The following UNC79 variants were observed in gnomAD, a reference collection of about 807,000 sequenced individuals.
UNC79 encodes the protein unc-79 subunit of NALCN channel complex.
UNC79 carries 37 observed loss-of-function variants against 283.1 expected under a neutral mutation model. That is an observed-to-expected ratio of 0.13 (90% CI 0.10 to 0.17). The LOEUF (loss-of-function observed/expected upper bound fraction) is 0.17, where lower values mean the gene tolerates loss of function less well. Ranked by LOEUF, UNC79 falls within the 10% of genes least tolerant of loss-of-function variation. UNC79 has a pLI of 1.00. For synonymous variants in UNC79, 1,107 were observed against 1,200.2 expected, an observed-to-expected ratio of 0.92 and a Z score of 1.61; for missense variants, 2,272 against 3,211.1, an observed-to-expected ratio of 0.71 and a Z score of 7.07.
At chr14:93,691,826 T>G (rs1006195419) in exon 46 of UNC79, 1 of 1,614,190 alleles carries the variant, frequency 6.2e-7, no homozygotes, top group South Asian at 1.1e-5. Context: ...GCGAGCAAAG[T>G]GCCGTCGCTA....
chr14:93,499,760 C>T (rs1339715991), intron 7 of UNC79, among the ~76,000 whole-genome samples: 2 of 151,998 alleles, frequency 1.3e-5, no homozygotes, highest in African/African-American at 4.8e-5. Flanking sequence ...GGTCTCTAAC[C>T]TCAACGGGAT....
chr14:93,526,780 G>T (rs112737118), intron 8 of UNC79, among the ~76,000 whole-genome samples: 74 of 152,214 alleles, frequency 4.9e-4, no homozygotes, highest in African/African-American at 1.7e-3. Flanking sequence ...TATAGTTTTA[G>T]CATCCTAGGA....
Position 93,430,773 on chromosome 14 carries a change from G to C in UNC79, c.-257G>C, listed in dbSNP as rs940082573. The C allele has an allele frequency of 4.5e-6, 2 of 444,798 alleles. No individual in the cohort carries two copies. The highest frequency in any genetic ancestry group is 6.8e-5 in the Admixed American group (2 of 29,422). The allele number at this position is 444,798 out of a possible 1,614,324, so 27.6% of individuals were successfully genotyped here. On this transcript the variant is annotated 5_prime_UTR_variant, in exon 1 of 49. Transcript: ENST00000555664. The surrounding 1 kb of genome is among the most constrained non-coding windows in gnomAD (Gnocchi z 4.6). ...CATCAACGCGGGCAGCTCCAGGAGG[G>C]GACGGACAGGAAGCCTTTGGCCGCC...
At chr14:93,587,080 G>A (rs994854953) in intron 22 of UNC79, among the ~76,000 whole-genome samples, 172 bp downstream of exon 22, 1 of 152,022 alleles carries the variant, frequency 6.6e-6, no homozygotes, top group Non-Finnish European at 1.5e-5. Flanking sequence ...TTAAAAGTAC[G>A]TTAATACAAG....
intron 22 of UNC79, among the ~76,000 whole-genome samples, chr14:93,592,396 G>A (rs1402110813): frequency 3.3e-5 from 5 of 151,856 alleles, no homozygotes; most frequent in Non-Finnish European, 7.4e-5. Flanking sequence ...GGATGGTCTC[G>A]ATCTCCTGAC....
At chr14:93,613,065 C>T in exon 27 of UNC79, 1 of 1,614,210 alleles carries the variant, frequency 6.2e-7, no homozygotes, top group East Asian at 2.2e-5. Flanking sequence ...TTAATGCATT[C>T]ATTGCAGGAA....
At position 93,542,954 on chromosome 14, in the gene UNC79, T is replaced by G. The variant is rs199528585; in HGVS notation, c.1755+258T>G. Among the ~76,000 whole-genome samples, 611 of 75,332 alleles carry G rather than the reference T, an allele frequency of 8.1e-3. 2 individuals are homozygous for G. The highest frequency in any genetic ancestry group is 0.026 in the African/African-American group (577 of 21,924). 49.4% of individuals were successfully genotyped at this position (75,332 alleles called of 152,430 possible). A position where few individuals can be genotyped will look rare whatever the true frequency, so the allele number is the denominator to read the frequency against. ...AGGGACCATTCTTTCTCGACATTGCTGATTTTTTTTTTTTTTGAAATGGGA... is the reference window on the plus strand; with the variant it reads ...AGGGACCATTCTTTCTCGACATTGCGGATTTTTTTTTTTTTTGAAATGGGA... On this transcript the variant is annotated intron_variant, in intron 14 of 48. Coordinates refer to ENST00000555664, the Ensembl canonical transcript of UNC79.
At chr14:93,673,518 G>A (rs960827673) in intron 41 of UNC79, 63 bp downstream of exon 44, 34 of 1,420,676 alleles carry the variant, frequency 2.4e-5, no homozygotes, top group Non-Finnish European at 3.0e-5. Context: ...GAAAATTAAG[G>A]GAGGTGTAGA....
At chr14:93,465,786 T>A (rs2057152228) in intron 1 of UNC79, among the ~76,000 whole-genome samples, 1 of 152,182 alleles carries the variant, frequency 6.6e-6, no homozygotes, top group South Asian at 2.1e-4. Flanking sequence ...ATGGAATGAT[T>A]AATGGTATTC....
intron 45 of UNC79, chr14:93,691,151 C>T (rs908680383): frequency 2.6e-5 from 4 of 156,554 alleles, no homozygotes; most frequent in African/African-American, 9.6e-5. Flanking sequence ...TGTGTCTAAC[C>T]TCTCTATTAT....
At chr14:93,625,880 C>T (rs1046519402) in intron 30 of UNC79, among the ~76,000 whole-genome samples, 3 of 152,042 alleles carry the variant, frequency 2.0e-5, no homozygotes, top group Non-Finnish European at 4.4e-5. Context: ...ATGCATTTTT[C>T]AAGAAATTAA....
At chr14:93,374,609 G>A (rs2054518214) in intron 1 of UNC79, among the ~76,000 whole-genome samples, 1 of 152,074 alleles carries the variant, frequency 6.6e-6, no homozygotes, top group East Asian at 1.9e-4. Flanking sequence ...CATGATCATG[G>A]CTCACTGCAG....
chr14:93,521,208 C>T (rs1404984530), intron 7 of UNC79, among the ~76,000 whole-genome samples: 1 of 151,966 alleles, frequency 6.6e-6, no homozygotes, highest in African/African-American at 2.4e-5. Flanking sequence ...TAGTGATTTC[C>T]CCCTACTCTG....
intron 34 of UNC79, among the ~76,000 whole-genome samples, chr14:93,644,466 G>A (rs916312163): frequency 6.6e-6 from 1 of 152,208 alleles, no homozygotes; most frequent in African/African-American, 2.4e-5. Context: ...GCAGGCGTTA[G>A]ACAGAGCTCT....
At chr14:93,528,137 A>G (rs534101041) in intron 8 of UNC79, among the ~76,000 whole-genome samples, 1 of 152,226 alleles carries the variant, frequency 6.6e-6, no homozygotes, top group East Asian at 1.9e-4. Flanking sequence ...GCACTTTGGT[A>G]TCAGTTATGA....
intron 47 of UNC79, among the ~76,000 whole-genome samples, chr14:93,697,469 C>T (rs965665931): frequency 4.6e-5 from 7 of 152,104 alleles, no homozygotes; most frequent in Non-Finnish European, 4.4e-5. Flanking sequence ...ACACTGTCTG[C>T]GTTACTATAG....
intron 14 of UNC79, among the ~76,000 whole-genome samples, chr14:93,562,890 C>A (rs959404605): frequency 6.6e-6 from 1 of 152,084 alleles, no homozygotes; most frequent in African/African-American, 2.4e-5. Context: ...TGGGCAGGGG[C>A]AAATCCCCGA....
chr14:93,598,674 G>A (rs1247161843), intron 24 of UNC79, among the ~76,000 whole-genome samples: 1 of 151,956 alleles, frequency 6.6e-6, no homozygotes, highest in East Asian at 1.9e-4. Flanking sequence ...GGCTTACGCC[G>A]CCACGCCTGG....
intron 1 of UNC79, among the ~76,000 whole-genome samples, chr14:93,440,844 A>G (rs2056275211): frequency 6.6e-6 from 1 of 152,140 alleles, no homozygotes; most frequent in South Asian, 2.1e-4. Flanking sequence ...GCTGTGTCAT[A>G]AGATTTAGTC....
Sources: allele counts gnomAD v4.1 joint callset (sites outside exome capture counted in the v4.1 genomes callset), GRCh38; gene constraint gnomAD v4.1.1; non-coding constraint Gnocchi (gnomAD v3.1); transcripts MANE v1.5; gene names NCBI Gene and HGNC (gene_info 2026-07-23, HGNC 2026-07-21).